Variants in NRXN3 observed in about 807,000 individuals in gnomAD.
NRXN3 encodes neurexin III.
In NRXN3, 32 loss-of-function variants were observed where a neutral mutation model predicts 137.6. The ratio of observed to expected loss-of-function variants is 0.23; its 90% CI spans 0.18 to 0.31. The LOEUF (loss-of-function observed/expected upper bound fraction) is 0.31. Among genes scored for constraint, NRXN3 ranks in the 10% least tolerant of loss-of-function variants. The pLI, the probability that NRXN3 is intolerant of heterozygous loss-of-function variation, is 1.00. For missense variants in NRXN3, 1,574 were observed against 2,062.5 expected (o/e 0.76, Z 4.59); for synonymous variants, 798 against 784.5 (o/e 1.02, Z -0.29).
At chr14:79,289,472 T>C (rs2082805038) in intron 15 of NRXN3, among the ~76,000 whole-genome samples, 1 of 151,950 alleles carries the variant, frequency 6.6e-6, no homozygotes, top group Non-Finnish European at 1.5e-5. Flanking sequence ...ATAAAAAAAT[T>C]AGCTGGGCGT....
chr14:79,817,335 G>A (rs2099254851), intron 20 of NRXN3, among the ~76,000 whole-genome samples: 1 of 152,150 alleles, frequency 6.6e-6, no homozygotes, highest in South Asian at 2.1e-4. Context: ...TTACAGGTAT[G>A]AGCCACCGTT....
rs115011561 is a variant in NRXN3, at chr14:79,774,221, G to A, written c.4015-30891G>A. Among the ~76,000 whole-genome samples the A allele has an allele frequency of 1.2e-3, 176 of 152,228 alleles. 1 individual carries two copies. Among genetic ancestry groups the A allele is most frequent in the African/African-American group, 3.5e-3 (145 of 41,558 alleles). On this transcript the variant is annotated intron_variant, in intron 19 of 20. Transcript: ENST00000335750. ...TGTGATCTTTCCCAATATTGACTGG[G>A]GTTTGTTGAGTGTCTGTAATCCCAC... is the stretch of plus-strand genomic sequence containing the variant.
chr14:78,863,774 C>G (rs1194218937), intron 10 of NRXN3, among the ~76,000 whole-genome samples: 3 of 152,070 alleles, frequency 2.0e-5, no homozygotes, highest in Non-Finnish European at 4.4e-5. Context: ...AAAAATCAAG[C>G]GTGGACTTCT....
chr14:78,248,907 T>C (rs1364190745), intron 2 of NRXN3, among the ~76,000 whole-genome samples: 2 of 152,168 alleles, frequency 1.3e-5, no homozygotes, highest in Non-Finnish European at 2.9e-5. Context: ...AGCCTGACTC[T>C]CCACCAGCCC....
intron 15 of NRXN3, chr14:78,988,354 A>C: frequency 1.7e-6 from 1 of 572,594 alleles, no homozygotes; most frequent in Non-Finnish European, 3.1e-6. Flanking sequence ...CCACTTGCTC[A>C]CTCCCTGTGT....
intron 19 of NRXN3, among the ~76,000 whole-genome samples, chr14:79,736,602 G>A (rs1489391241): frequency 6.6e-6 from 1 of 152,190 alleles, no homozygotes; most frequent in Non-Finnish European, 1.5e-5. Context: ...TCAAAGGAAT[G>A]AGAAAAAGAC....
chr14:79,086,148 A>G (rs1405091638), intron 15 of NRXN3, among the ~76,000 whole-genome samples: 1 of 152,192 alleles, frequency 6.6e-6, no homozygotes, highest in African/African-American at 2.4e-5. Context: ...CGGTAGGATG[A>G]CATGAGATAG....
At chr14:78,669,538 C>T (rs1380243093) in intron 6 of NRXN3, among the ~76,000 whole-genome samples, 11 of 152,154 alleles carry the variant, frequency 7.2e-5, no homozygotes. Flanking sequence ...AGACCAGGCT[C>T]TGTGCTACCG....
intron 10 of NRXN3, among the ~76,000 whole-genome samples, chr14:78,893,406 T>C (rs550954492): frequency 4.3e-4 from 66 of 152,080 alleles, no homozygotes; most frequent in African/African-American, 1.5e-3. Flanking sequence ...TCTTTCATAA[T>C]GGTGGTGGGA....
At chr14:79,424,567 G>A (rs938078319) in intron 15 of NRXN3, among the ~76,000 whole-genome samples, 1 of 152,164 alleles carries the variant, frequency 6.6e-6, no homozygotes, top group African/African-American at 2.4e-5. Context: ...AGGGAGATTT[G>A]TATAAGTTGT....
intron 1 of NRXN3, among the ~76,000 whole-genome samples, chr14:78,229,382 C>T (rs1052381518): frequency 1.3e-5 from 2 of 151,958 alleles, no homozygotes; most frequent in Non-Finnish European, 2.9e-5. Context: ...TGTAGTGCCA[C>T]TTCCGCCACC....
chr14:79,355,444 C>T (rs1292223124), intron 15 of NRXN3, among the ~76,000 whole-genome samples: 3 of 152,138 alleles, frequency 2.0e-5, no homozygotes, highest in South Asian at 2.1e-4. Context: ...AATTGTTCCT[C>T]GGCTCCGCAT....
At chr14:79,845,588 CAGAGAG>C (rs112448242) in intron 20 of NRXN3, among the ~76,000 whole-genome samples, 1 of 130,446 alleles carries the variant, frequency 7.7e-6, no homozygotes, top group Middle Eastern at 4.2e-3. Context: ...CCCAGAGAGA[CAGAGAG>C]AGAGAGAGAC....
At chr14:79,131,454 G>C (rs2057459120) in intron 15 of NRXN3, among the ~76,000 whole-genome samples, 1 of 152,162 alleles carries the variant, frequency 6.6e-6, no homozygotes, top group Non-Finnish European at 1.5e-5. Context: ...GTGTCAGTCT[G>C]CCCCTGCTGG....
chr14:78,861,422 C>G (rs1311436277), intron 10 of NRXN3, among the ~76,000 whole-genome samples: 1 of 151,642 alleles, frequency 6.6e-6, no homozygotes, highest in Non-Finnish European at 1.5e-5. Context: ...TTTCTTTTTT[C>G]TTGGAATCCT....
At chr14:79,505,897 G>A (rs1234034773) in intron 16 of NRXN3, among the ~76,000 whole-genome samples, 2 of 152,182 alleles carry the variant, frequency 1.3e-5, no homozygotes, top group Admixed American at 6.5e-5. Flanking sequence ...GGCACAGTGT[G>A]ACTAGGTCCC....
In NRXN3 at chr14:78,365,042, C is replaced by T. The variant is rs566420933; in HGVS notation, c.757+67182C>T. ...TTGCCTAGTAATGCAATGGAACCAA[C>T]AGGATTAGCAAGAAATTAAAAAAAA... is the stretch of plus-strand genomic sequence containing the variant. On this transcript the variant is annotated intron_variant, in intron 4 of 20. Transcript: ENST00000335750. Among the ~76,000 whole-genome samples, 4 of 152,164 alleles carry T rather than the reference C, an allele frequency of 2.6e-5. No homozygotes were observed. The East Asian group carries it at 7.7e-4, about 29-fold the overall frequency.
chr14:78,415,931 A>C (rs1244957306), intron 4 of NRXN3, among the ~76,000 whole-genome samples: 1 of 151,964 alleles, frequency 6.6e-6, no homozygotes, highest in Non-Finnish European at 1.5e-5. Flanking sequence ...GAAACATGAG[A>C]TATAAATGTT....
intron 10 of NRXN3, among the ~76,000 whole-genome samples, chr14:78,870,089 T>A (rs2099097607): frequency 6.6e-6 from 1 of 152,184 alleles, no homozygotes; most frequent in South Asian, 2.1e-4. Flanking sequence ...AAGAACTTAA[T>A]CAGGTATCAA....
Sources: gnomAD v4.1 joint callset for allele counts (sites outside exome capture counted in the v4.1 genomes callset) on GRCh38, gnomAD v4.1.1 for gene constraint, MANE v1.5 for transcripts, NCBI Gene and HGNC (gene_info 2026-07-23, HGNC 2026-07-21) for gene names.